AGMO: variants seen among roughly 807,000 people sequenced by gnomAD.
AGMO encodes the protein glyceryl-ether monooxygenase.
Under a neutral mutation model 60.2 loss-of-function variants are expected in AGMO, and 75 were observed. The ratio of observed to expected loss-of-function variants is 1.25; its 90% CI spans 1.03 to 1.51. The LOEUF is 1.51. AGMO is among the 40% of genes most tolerant of loss of function. The pLI, the probability that AGMO is intolerant of heterozygous loss-of-function variation, is 0.00. For missense variants in AGMO, 763 were observed against 525.5 expected (o/e 1.45, Z -4.42); for synonymous variants, 261 against 177.1 (o/e 1.47, Z -3.76).
At chr7:15,538,962 AGTTTGAGGG>A (rs1235565649) in intron 3 of AGMO, among the ~76,000 whole-genome samples, 1 of 152,186 alleles carries the variant, frequency 6.6e-6, no homozygotes, top group African/African-American at 2.4e-5. Context: ...AAAAAGTTAC[AGTTTGAGGG>A]GATATTATGG....
chr7:15,387,448 A>C lies in AGMO; in HGVS notation c.915T>G (p.Gly305=), dbSNP rs376742953. 3.1e-6 allele frequency: 5 copies of C among 1,613,838 alleles called. No individual in the cohort carries two copies. The highest frequency in any genetic ancestry group is 2.7e-5 in the African/African-American group (2 of 74,890). Reference sequence around the variant, plus strand: ...TGAGACCAAGTCTTGGTTTACCTGGACCCCATCCCGGTCCCTTAAATATGA... The same window carrying C: ...TGAGACCAAGTCTTGGTTTACCTGGCCCCCATCCCGGTCCCTTAAATATGA... ...FSVIFKGPGW[G]PGKPRLGLSE... Residue 305 remains glycine (G), a synonymous_variant, in exon 9 of 13, where the codon GGT becomes GGG. Coordinates refer to ENST00000342526, the MANE Select transcript of AGMO (RefSeq NM_001004320.2).
chr7:15,131,884 G>A, the AGMO span, among the ~76,000 whole-genome samples: 1 of 151,924 alleles, frequency 6.6e-6, no homozygotes, highest in Admixed American at 6.6e-5. Flanking sequence ...ATCCTGAGTT[G>A]AGGAAATGCA....
At chr7:15,541,557 G>A (rs1784631914) in intron 3 of AGMO, among the ~76,000 whole-genome samples, 1 of 152,128 alleles carries the variant, frequency 6.6e-6, no homozygotes, top group South Asian at 2.1e-4. Context: ...TTTGCTTGGT[G>A]TAATTTGACC....
intron 3 of AGMO, among the ~76,000 whole-genome samples, chr7:15,498,408 T>A (rs1010551789): frequency 6.6e-6 from 1 of 152,042 alleles, no homozygotes; most frequent in Non-Finnish European, 1.5e-5. Context: ...CTCTGCTAAC[T>A]TACATTGTTT....
the AGMO span, among the ~76,000 whole-genome samples, chr7:15,189,547 A>G: frequency 2.6e-5 from 4 of 152,070 alleles, no homozygotes; most frequent in African/African-American, 9.7e-5. Context: ...CTAATGCTTC[A>G]CTTTTTGTTT....
At chr7:15,547,533 T>A (rs1292587517) in intron 2 of AGMO, among the ~76,000 whole-genome samples, 1 of 152,136 alleles carries the variant, frequency 6.6e-6, no homozygotes, top group East Asian at 1.9e-4. Flanking sequence ...GAGTTCCCTT[T>A]CCGAGTCAAA....
chr7:15,249,949 TA>T (rs1782883643), intron 12 of AGMO, among the ~76,000 whole-genome samples: 1 of 152,206 alleles, frequency 6.6e-6, no homozygotes. Flanking sequence ...AATCTTTACT[TA>T]GAAACTATTG....
At chr7:15,461,263 A>C (rs1418251402) in intron 3 of AGMO, among the ~76,000 whole-genome samples, 1 of 151,998 alleles carries the variant, frequency 6.6e-6, no homozygotes, top group Non-Finnish European at 1.5e-5. Flanking sequence ...TTATATATAA[A>C]GATAATCATA....
At chr7:15,548,595 G>C (rs1300689413) in intron 2 of AGMO, among the ~76,000 whole-genome samples, 1 of 152,090 alleles carries the variant, frequency 6.6e-6, no homozygotes, top group Non-Finnish European at 1.5e-5. Flanking sequence ...ATGAAATGAA[G>C]CGAGAAGGGA....
intron 12 of AGMO, among the ~76,000 whole-genome samples, chr7:15,334,386 T>C (rs999493696): frequency 6.6e-6 from 1 of 152,046 alleles, no homozygotes; most frequent in Non-Finnish European, 1.5e-5. Context: ...GTCCTGTCTT[T>C]GGGTCATTTA....
At chr7:15,372,995 G>T (rs970010196) in intron 10 of AGMO, among the ~76,000 whole-genome samples, 4 of 152,224 alleles carry the variant, frequency 2.6e-5, no homozygotes, top group African/African-American at 2.4e-5. Context: ...ACTGTGTGGT[G>T]GCTCATGCCT....
intron 6 of AGMO, among the ~76,000 whole-genome samples, chr7:15,393,861 C>T (rs886728446): frequency 5.3e-5 from 8 of 152,056 alleles, no homozygotes; most frequent in African/African-American, 1.7e-4. Context: ...AACAGTGGAG[C>T]TAAGATTTAG....
the AGMO span, among the ~76,000 whole-genome samples, chr7:15,141,322 G>A: frequency 6.6e-5 from 10 of 152,080 alleles, no homozygotes; most frequent in South Asian, 2.1e-4. Flanking sequence ...GGTGGCTCAC[G>A]TCTGTAATCC....
At chr7:15,189,088 A>T in the AGMO span, among the ~76,000 whole-genome samples, 132,052 of 152,110 alleles carry the variant, frequency 0.87, 57,569 homozygotes, top group East Asian at 1. Flanking sequence ...AATATTTTGA[A>T]GGATCCTAGA....
intron 12 of AGMO, among the ~76,000 whole-genome samples, chr7:15,330,478 A>G (rs1056624350): frequency 1.3e-5 from 2 of 152,164 alleles, no homozygotes; most frequent in African/African-American, 4.8e-5. Context: ...TGAACAAAAG[A>G]CAATATTTTG....
At chr7:15,372,528 G>T (rs1452405455) in intron 10 of AGMO, among the ~76,000 whole-genome samples, 1 of 152,028 alleles carries the variant, frequency 6.6e-6, no homozygotes, top group Non-Finnish European at 1.5e-5. Context: ...GGGCACTATG[G>T]TAAATATGAG....
chr7:15,162,403 T>C, the AGMO span, among the ~76,000 whole-genome samples: 2 of 152,078 alleles, frequency 1.3e-5, no homozygotes, highest in African/African-American at 2.4e-5. Context: ...TTAGAAATAA[T>C]CAAAGGTGAC....
intron 2 of AGMO, among the ~76,000 whole-genome samples, chr7:15,550,424 A>G (rs1174460517): frequency 1.3e-5 from 2 of 152,212 alleles, no homozygotes; most frequent in Non-Finnish European, 2.9e-5. Context: ...CGCTAGCAAG[A>G]CTAATAAAGA....
chr7:15,560,697 A>T (rs956978237), intron 1 of AGMO, among the ~76,000 whole-genome samples: 11 of 152,228 alleles, frequency 7.2e-5, no homozygotes, highest in African/African-American at 2.7e-4. Context: ...TAGACTTACC[A>T]GAACTATTTC....
Sources: gnomAD v4.1 joint callset for allele counts (sites outside exome capture counted in the v4.1 genomes callset) on GRCh38, gnomAD v4.1.1 for gene constraint, MANE v1.5 for transcripts, NCBI Gene and HGNC (gene_info 2026-07-23, HGNC 2026-07-21) for gene names.